Variants in JAKMIP3 observed in about 807,000 individuals in gnomAD.
The protein encoded by JAKMIP3 is Janus kinase and microtubule interacting protein 3.
In JAKMIP3, 58 loss-of-function variants were observed where a neutral mutation model predicts 118.5. The ratio of observed to expected loss-of-function variants is 0.49; its 90% CI spans 0.40 to 0.61. The LOEUF is 0.61. Among genes scored for constraint, JAKMIP3 ranks in the 20% least tolerant of loss-of-function variants. The pLI, the probability that JAKMIP3 is intolerant of heterozygous loss-of-function variation, is 0.00. For missense variants in JAKMIP3, 950 were observed against 1,109.0 expected (o/e 0.86, Z 2.04); for synonymous variants, 486 against 451.2 (o/e 1.08, Z -0.98).
At chr10:132,063,373 T>C (rs1457937034), upstream of JAKMIP3, among the ~76,000 whole-genome samples, 8 of 149,058 alleles carry the variant, frequency 5.4e-5, no homozygotes, top group Non-Finnish European at 1.2e-4. Context: ...GTTTCTGGGA[T>C]CTGGAAGAAT....
In JAKMIP3 at chr10:132,171,973, C is replaced by T. The variant is rs545202510; in HGVS notation, c.*1103+2940C>T. Reference sequence around the variant, plus strand: ...CCGGCCTGTCCCTGTCTTGCATAATCATGATAGATTTTCAAAACTTAACTC... The same window carrying T: ...CCGGCCTGTCCCTGTCTTGCATAATTATGATAGATTTTCAAAACTTAACTC... On this transcript the variant is annotated intron_variant, in intron 23 of 23. Transcript: ENST00000684848. Among the ~76,000 whole-genome samples, 3 of 152,212 alleles carry T rather than the reference C, an allele frequency of 2.0e-5. No homozygotes were observed. The East Asian group carries it at 5.8e-4, about 29-fold the overall frequency.
rs372342663 is a variant in JAKMIP3 at position 132,138,143 on chromosome 10, C to T, written c.1309C>T (p.Arg437Trp). 102 of 1,612,106 alleles carry T rather than the reference C, an allele frequency of 6.3e-5. 1 individual carries two copies. The highest frequency in any genetic ancestry group is 4.1e-4 in the African/African-American group (31 of 74,898). Residue 437 changes from arginine to tryptophan, a missense_variant, in exon 9 of 24, where the codon CGG becomes TGG. By Grantham distance (101) the Arg-to-Trp change is moderately radical. Coordinates refer to ENST00000684848, the MANE Select transcript of JAKMIP3 (RefSeq NM_001323087.2). The part of the protein sequence containing the change: ...VLERDKLLRF[R>W]KQRKKMAKLP... ...GGAGCGGGACAAGCTGTTAAGATTC[C>T]GGAAGCAAAGAAAGAAAATGGCAAA...
intron 23 of JAKMIP3, among the ~76,000 whole-genome samples, chr10:132,172,677 G>A (rs948451045): frequency 9.9e-5 from 15 of 151,940 alleles, no homozygotes; most frequent in Admixed American, 3.9e-4. Flanking sequence ...ACGCTGCCAC[G>A]GAGCCTCCAG....
chr10:132,180,788 T>TGTGTGTGTGCATGC (rs1491365450), intron 23 of JAKMIP3, among the ~76,000 whole-genome samples: 1 of 10,730 alleles, frequency 9.3e-5, no homozygotes, highest in Non-Finnish European at 1.9e-4. Context: ...TGTGTGCGCG[T>TGTGTGTGTGCATGC]ATGCATGTGC....
chr10:132,088,764 A>G (rs2042738285), intron 1 of JAKMIP3, among the ~76,000 whole-genome samples: 1 of 152,138 alleles, frequency 6.6e-6, no homozygotes, highest in African/African-American at 2.4e-5. Context: ...TTGGTGTTTT[A>G]GACATGAAGT....
chr10:132,167,993 A>C lies in JAKMIP3; in HGVS notation c.*63A>C, dbSNP rs1276300082. The C allele has an allele frequency of 7.8e-7, 1 of 1,289,608 alleles. No homozygotes were observed. Among genetic ancestry groups the C allele is most frequent in the East Asian group, 5.6e-5 (1 of 18,016 alleles). The allele number at this position is 1,289,608 out of a possible 1,614,324, so 79.9% of individuals were successfully genotyped here. A position where few individuals can be genotyped will look rare whatever the true frequency, so the allele number is the denominator to read the frequency against. ...GACCCTTTTCCTCCAGTGGGACCAG[A>C]AAGCAGGGACAAAATGGGACGTCGC... On this transcript the variant is annotated 3_prime_UTR_variant, in exon 23 of 24. Transcript: ENST00000684848.
chr10:132,070,145 T>A (rs181283247), intron 1 of JAKMIP3, among the ~76,000 whole-genome samples: 3,527 of 152,140 alleles, frequency 0.023, 58 homozygotes, highest in Middle Eastern at 0.051. Flanking sequence ...TTTTTTTTTT[T>A]AGTTGCATTT....
In JAKMIP3 at chr10:132,135,157, G is replaced by A. The variant is rs2051479182; in HGVS notation, c.966G>A (p.Glu322=). 1.2e-6 allele frequency: 2 copies of A among 1,602,052 alleles called. No individual in the cohort carries two copies. Among genetic ancestry groups the A allele is most frequent in the East Asian group, 2.2e-5 (1 of 44,590 alleles). ...RNALLSEERN[E]LLKRVREAES... is the part of the protein sequence containing the mutation. Reference sequence around the variant, plus strand: ...CATTGCTGTCGGAAGAGAGGAATGAGCTGGTGAGCGCGGGCGGGGGCTTCT... The same window carrying A: ...CATTGCTGTCGGAAGAGAGGAATGAACTGGTGAGCGCGGGCGGGGGCTTCT... The change falls in exon 5 of 24, where the codon GAG becomes GAA. Residue 322 remains glutamate (E), a synonymous_variant. Coordinates refer to ENST00000684848, the MANE Select transcript of JAKMIP3 (RefSeq NM_001323087.2).
chr10:132,177,116 T>C (rs1450711295), intron 23 of JAKMIP3, among the ~76,000 whole-genome samples: 1 of 152,268 alleles, frequency 6.6e-6, no homozygotes, highest in African/African-American at 2.4e-5. Context: ...ATTTATTCTT[T>C]TCAGCCAGCA....
intron 19 of JAKMIP3, among the ~76,000 whole-genome samples, chr10:132,160,131 TG>T (rs1215918529): frequency 1.9e-4 from 4 of 21,386 alleles, no homozygotes; most frequent in Non-Finnish European, 9.9e-5. Context: ...TGTGTGATGC[TG>T]GGGGGGGTCT....
intron 3 of JAKMIP3, among the ~76,000 whole-genome samples, chr10:132,123,403 C>T (rs540260061): frequency 9.2e-5 from 14 of 152,336 alleles, no homozygotes; most frequent in African/African-American, 2.9e-4. Context: ...TTCTCCTTCC[C>T]GTAAAGATCT....
chr10:132,123,211 A>G (rs555275712), intron 3 of JAKMIP3, among the ~76,000 whole-genome samples: 2 of 152,350 alleles, frequency 1.3e-5, no homozygotes, highest in South Asian at 4.1e-4. Context: ...CTCTGAGGAC[A>G]GGGCCGAGCT....
At chr10:132,107,079 G>C (rs2046031793) in intron 2 of JAKMIP3, among the ~76,000 whole-genome samples, 1 of 148,598 alleles carries the variant, frequency 6.7e-6, no homozygotes, top group African/African-American at 2.5e-5. Flanking sequence ...CTTTTTTGTA[G>C]AGACTGGGTC....
rs550486685 is a variant in JAKMIP3, at chr10:132,105,081, C to A, written c.135+138C>A. 5.5e-3 allele frequency: 5,629 copies of A among 1,018,842 alleles called. 24 individuals are homozygous for A. The highest frequency in any genetic ancestry group is 7.0e-3 in the Non-Finnish European group (4,947 of 704,606). The allele number at this position is 1,018,842 out of a possible 1,614,324, so 63.1% of individuals were successfully genotyped here. ...AGTCCTAAAGGCTGCTTGGGACAGA[C>A]CACTTGGTGGGGGGTGGGGCGGCAG... On this transcript the variant is annotated intron_variant, in intron 2 of 23. Transcript: ENST00000684848.
At position 132,044,822 on chromosome 10, in the gene JAKMIP3, C is replaced by A. The variant is rs183048907; in HGVS notation, c.-138+8084C>A. 5.3e-4 allele frequency among the ~76,000 whole-genome samples: 81 copies of A among 152,172 alleles called. 1 individual carries two copies. In the East Asian group the frequency reaches 0.015, roughly 28 times the overall value. On this transcript the variant is annotated intron_variant, in intron 1 of 23. Coordinates refer to the JAKMIP3 transcript ENST00000657785. The surrounding 1 kb of genome is among the most constrained non-coding windows in gnomAD (Gnocchi z 5.3). ...TGTACCCCCCACCCAGCCCCTGACA[C>A]CCCCACTGGTCTTTGATTCCTTTAG...
chr10:132,147,585 C>T (rs979558789), intron 13 of JAKMIP3, among the ~76,000 whole-genome samples: 4 of 152,128 alleles, frequency 2.6e-5, no homozygotes, highest in African/African-American at 9.7e-5. Flanking sequence ...CTCAGAGCCC[C>T]GCTAAGGCCC....
intron 8 of JAKMIP3, 105 bp downstream of exon 8, chr10:132,137,394 C>T (rs879238355): frequency 9.2e-6 from 13 of 1,408,986 alleles, no homozygotes; most frequent in African/African-American, 2.8e-5. Flanking sequence ...CAGAAGCGGC[C>T]GCGGCAGCCT....
chr10:132,156,071 C>T (rs1420294661), intron 19 of JAKMIP3, among the ~76,000 whole-genome samples: 1 of 152,124 alleles, frequency 6.6e-6, no homozygotes, highest in Non-Finnish European at 1.5e-5. Context: ...AGCAGAGGCC[C>T]CTCAGTGCCC....
At chr10:132,160,476 A>G (rs548336822) in intron 19 of JAKMIP3, among the ~76,000 whole-genome samples, 179 of 986 alleles carry the variant, frequency 0.18, no homozygotes, top group Admixed American at 0.25. Context: ...ATGCTGGGGG[A>G]CCTCTCCCTG....
Sources: allele counts gnomAD v4.1 joint callset (sites outside exome capture counted in the v4.1 genomes callset), GRCh38; gene constraint gnomAD v4.1.1; non-coding constraint Gnocchi (gnomAD v3.1); transcripts MANE v1.5; gene names NCBI Gene and HGNC (gene_info 2026-07-23, HGNC 2026-07-21).